Variants in GTF2F2 observed in about 807,000 individuals in gnomAD.
GTF2F2 encodes the protein general transcription factor IIF subunit 2, also known as ATP-dependent helicase GTF2F2.
GTF2F2 carries 23 observed loss-of-function variants against 42.2 expected under a neutral mutation model. The observed-to-expected ratio is 0.55, with a 90% CI of 0.39 to 0.77. The LOEUF (loss-of-function observed/expected upper bound fraction) is 0.77. GTF2F2 is among the 30% of genes least tolerant of loss of function. GTF2F2 has a pLI of 0.00. For missense variants in GTF2F2, 261 were observed against 287.2 expected, an observed-to-expected ratio of 0.91 and a Z score of 0.66; for synonymous variants, 105 against 100.8, an observed-to-expected ratio of 1.04 and a Z score of -0.25.
intron 7 of GTF2F2, among the ~76,000 whole-genome samples, chr13:45,274,433 TCTC>T (rs749744140): frequency 8.0e-5 from 12 of 149,548 alleles, no homozygotes; most frequent in Middle Eastern, 6.9e-3. Flanking sequence ...TTCAGGCAAT[TCTC>T]CTGCCTCAGC....
At chr13:45,278,730 GC>G (rs2138277767) in intron 7 of GTF2F2, among the ~76,000 whole-genome samples, 1 of 150,320 alleles carries the variant, frequency 6.7e-6, no homozygotes, top group African/African-American at 2.5e-5. Flanking sequence ...TGTGTTAGGT[GC>G]CCCCTTCTCA....
intron 5 of GTF2F2, among the ~76,000 whole-genome samples, chr13:45,245,365 G>A (rs965817633): frequency 6.6e-6 from 1 of 151,702 alleles, no homozygotes; most frequent in Non-Finnish European, 1.5e-5. Flanking sequence ...AATTTCTTCA[G>A]TGGTGATTTG....
chr13:45,256,233 A>G (rs1876097733), intron 6 of GTF2F2, among the ~76,000 whole-genome samples: 1 of 152,082 alleles, frequency 6.6e-6, no homozygotes, highest in Non-Finnish European at 1.5e-5. Context: ...TGGGAAGGGG[A>G]AGATTGGAAA....
intron 4 of GTF2F2, among the ~76,000 whole-genome samples, chr13:45,174,950 G>A (rs1871800187): frequency 6.6e-6 from 1 of 152,156 alleles, no homozygotes; most frequent in Non-Finnish European, 1.5e-5. Context: ...TCATTTCTCT[G>A]TGTTGGGAAT....
At chr13:45,124,371 T>C (rs571161944) in intron 1 of GTF2F2, among the ~76,000 whole-genome samples, 2 of 150,072 alleles carry the variant, frequency 1.3e-5, no homozygotes, top group South Asian at 2.2e-4. Flanking sequence ...CGTGAGCCAC[T>C]GCACCTGGCC....
chr13:45,207,798 A>G (rs751500540), intron 5 of GTF2F2, among the ~76,000 whole-genome samples: 158 of 152,286 alleles, frequency 1.0e-3, no homozygotes, highest in African/African-American at 3.7e-3. Context: ...AAAGACATGT[A>G]TAAGATCTTT....
At chr13:45,148,853 G>A (rs1870336758) in intron 2 of GTF2F2, among the ~76,000 whole-genome samples, 1 of 152,056 alleles carries the variant, frequency 6.6e-6, no homozygotes, top group Admixed American at 6.6e-5. Flanking sequence ...AAATAGTGTG[G>A]AAAGATACTG....
chr13:45,133,980 A>G (rs532330653), intron 1 of GTF2F2, among the ~76,000 whole-genome samples: 5 of 152,336 alleles, frequency 3.3e-5, no homozygotes, highest in African/African-American at 1.2e-4. Flanking sequence ...GGAGAGAGCT[A>G]GGAATTTAGG....
chr13:45,144,534 T>C (rs1166782305), intron 2 of GTF2F2, among the ~76,000 whole-genome samples: 1 of 143,202 alleles, frequency 7.0e-6, no homozygotes, highest in Non-Finnish European at 1.5e-5. Context: ...GATCTCGGCT[T>C]GGGTTCACGC....
At chr13:45,144,421 G>A (rs1049851720) in intron 2 of GTF2F2, among the ~76,000 whole-genome samples, 1 of 149,606 alleles carries the variant, frequency 6.7e-6, no homozygotes, top group Non-Finnish European at 1.5e-5. Context: ...GCTTCTCCCC[G>A]AGATTTTTAT....
chr13:45,120,748 G>C, intron 1 of GTF2F2, 27 bp downstream of exon 1: 2 of 1,506,892 alleles, frequency 1.3e-6, no homozygotes, highest in Non-Finnish European at 1.8e-6. Context: ...TCCCACTTGC[G>C]CTCCTCCTAA....
rs557204553 is a variant in GTF2F2 at position 45,213,044 on chromosome 13, T to TTTTA, written c.386+5562_386+5565dup. ...GGCGTGAGCCACCATGCCCGGCTAATTTTATTTATTTATTTATTTATTTAT... is the reference window on the plus strand; with the variant it reads ...GGCGTGAGCCACCATGCCCGGCTAATTTTATTTATTTATTTATTTATTTATTTAT... On this transcript the variant is annotated intron_variant, in intron 5 of 7. Transcript: ENST00000340473. Among the ~76,000 whole-genome samples the TTTTA allele has an allele frequency of 6.0e-3, 910 of 151,422 alleles. 5 individuals are homozygous for TTTTA. Among genetic ancestry groups the TTTTA allele is most frequent in the Non-Finnish European group, 9.3e-3 (630 of 67,794 alleles).
At chr13:45,165,806 C>CTT (rs5803286) in intron 4 of GTF2F2, among the ~76,000 whole-genome samples, 1,931 of 88,776 alleles carry the variant, frequency 0.022, 4 homozygotes, top group Non-Finnish European at 0.029. Context: ...TCAGTACATT[C>CTT]TTTTTTTTTT....
chr13:45,233,201 T>C (rs1441872519), intron 5 of GTF2F2, among the ~76,000 whole-genome samples: 2 of 152,180 alleles, frequency 1.3e-5, no homozygotes, highest in Non-Finnish European at 2.9e-5. Context: ...TGATTGTGCC[T>C]GCGAAAAGCC....
At chr13:45,280,635 A>G (rs969597036) in intron 7 of GTF2F2, among the ~76,000 whole-genome samples, 5 of 152,216 alleles carry the variant, frequency 3.3e-5, no homozygotes, top group Admixed American at 6.5e-5. Flanking sequence ...AAAAAGAATG[A>G]CACCTTCGTT....
In GTF2F2 at chr13:45,236,705, C is replaced by T. The variant is rs553459453; in HGVS notation, c.387-16166C>T. On this transcript the variant is annotated intron_variant, in intron 5 of 7. Transcript: ENST00000340473. ...AATCTAGAGCTGTATAGAAAATCAA[C>T]CAAAAGGGTCGAGGAAGTGAAAAAT... Among the ~76,000 whole-genome samples, 3 of 152,078 alleles carry T rather than the reference C, an allele frequency of 2.0e-5. No individual in the cohort carries two copies. The South Asian group carries it at 6.2e-4, about 32-fold the overall frequency.
At chr13:45,174,405 CT>C (rs1871757803) in intron 4 of GTF2F2, among the ~76,000 whole-genome samples, 1 of 152,108 alleles carries the variant, frequency 6.6e-6, no homozygotes, top group Non-Finnish European at 1.5e-5. Flanking sequence ...TGTTCAGCCC[CT>C]CAAAAGCTGC....
At chr13:45,157,046 A>G (rs1159073107) in intron 4 of GTF2F2, among the ~76,000 whole-genome samples, 2 of 152,180 alleles carry the variant, frequency 1.3e-5, no homozygotes, top group African/African-American at 2.4e-5. Flanking sequence ...AGTGGGAAGT[A>G]GGCTCGGGAG....
intron 2 of GTF2F2, among the ~76,000 whole-genome samples, chr13:45,148,037 A>G (rs1476729866): frequency 6.6e-6 from 1 of 152,184 alleles, no homozygotes; most frequent in South Asian, 2.1e-4. Context: ...CTTGAGGTCA[A>G]GGATCCATAC....
Sources: allele counts gnomAD v4.1 joint callset (sites outside exome capture counted in the v4.1 genomes callset), GRCh38; gene constraint gnomAD v4.1.1; transcripts MANE v1.5; gene names NCBI Gene and HGNC (gene_info 2026-07-23, HGNC 2026-07-21).